DDX23: variants seen among roughly 807,000 people sequenced by gnomAD.
DDX23 encodes the protein DEAD-box helicase 23, also known as probable ATP-dependent RNA helicase DDX23.
Under a neutral mutation model 102.7 loss-of-function variants are expected in DDX23, and 33 were observed. The ratio of observed to expected loss-of-function variants is 0.32; its 90% CI spans 0.24 to 0.43. DDX23 has a LOEUF of 0.43. DDX23 is among the 20% of genes least tolerant of loss of function. DDX23 has a pLI of 1.00. For missense variants in DDX23, 549 were observed against 1,086.6 expected, an observed-to-expected ratio of 0.51 and a Z score of 6.96; for synonymous variants, 352 against 376.0, an observed-to-expected ratio of 0.94 and a Z score of 0.74.
At position 48,833,271 on chromosome 12, in the gene DDX23, C is replaced by G; in HGVS notation, c.1803+6G>C. 6.2e-7 allele frequency: 1 copy of G among 1,614,096 alleles called. No individual in the cohort carries two copies. On this transcript the variant is annotated splice_donor_region_variant and intron_variant, in intron 13 of 16. Transcript: ENST00000308025. Reference sequence around the variant, plus strand: ...AACTTTTCCCAGCCCAGGGAAGCAGCCTTACTTGGCGGTACTTATGTTTTC... The same window carrying G: ...AACTTTTCCCAGCCCAGGGAAGCAGGCTTACTTGGCGGTACTTATGTTTTC...
At chr12:48,838,416 G>GGCATGT (rs2137486048) in intron 5 of DDX23, among the ~76,000 whole-genome samples, 1 of 152,194 alleles carries the variant, frequency 6.6e-6, no homozygotes, top group Non-Finnish European at 1.5e-5. Flanking sequence ...CAGACATGAT[G>GGCATGT]GCATGTGCAT....
intron 16 of DDX23, 138 bp downstream of exon 16, chr12:48,831,004 T>C: frequency 1.0e-6 from 1 of 990,878 alleles, no homozygotes; most frequent in Non-Finnish European, 1.5e-6. Context: ...GGAGTGCTTC[T>C]CATGGGAGCA....
intron 3 of DDX23, 67 bp downstream of exon 3, chr12:48,843,872 GA>G: frequency 6.5e-7 from 1 of 1,546,698 alleles, no homozygotes; most frequent in Non-Finnish European, 8.9e-7. Flanking sequence ...ATAAGAAGCT[GA>G]GCAAACTCAG....
intron 3 of DDX23, among the ~76,000 whole-genome samples, chr12:48,841,461 C>T (rs998374710): frequency 1.3e-5 from 2 of 152,122 alleles, no homozygotes; most frequent in Non-Finnish European, 2.9e-5. Context: ...TCTCCCCTCT[C>T]CCCACGGTCT....
In DDX23 at chr12:48,845,801, G is replaced by C; in HGVS notation, c.1-19C>G. ...CTGCCATCTGTAATGAGTAGGAAGA[G>C]TACTTACAATGTACTAGGCACTGCT... On this transcript the variant is annotated intron_variant, in intron 1 of 16. Transcript: ENST00000308025. The C allele has an allele frequency of 1.2e-6, 2 of 1,612,274 alleles. No individual in the cohort carries two copies. The highest frequency in any genetic ancestry group is 1.7e-6 in the Non-Finnish European group (2 of 1,178,922).
chr12:48,849,661 G>A (rs1475989360), intron 1 of DDX23, among the ~76,000 whole-genome samples: 5 of 144,426 alleles, frequency 3.5e-5, no homozygotes, highest in Non-Finnish European at 6.1e-5. Context: ...CCTCTGTCTC[G>A]AGAGAAAAAA....
intron 1 of DDX23, among the ~76,000 whole-genome samples, chr12:48,845,997 G>A (rs533926328): frequency 6.6e-6 from 1 of 152,270 alleles, no homozygotes; most frequent in South Asian, 2.1e-4. Flanking sequence ...ACAGGCCATC[G>A]TTACTCACTA....
At chr12:48,837,148 C>G (rs1938477011) in intron 8 of DDX23, 111 bp from the exon 9 acceptor site, 1 of 1,562,370 alleles carries the variant, frequency 6.4e-7, no homozygotes. Context: ...CTTTCTTCCA[C>G]CAGAGGGCTG....
intron 5 of DDX23, among the ~76,000 whole-genome samples, chr12:48,838,465 A>G (rs1347007894): frequency 6.7e-6 from 1 of 149,178 alleles, no homozygotes; most frequent in African/African-American, 2.5e-5. Context: ...CAGGAAAATC[A>G]TATGAGCCCA....
chr12:48,836,890 T>C lies in DDX23; in HGVS notation c.1010+4A>G. ...GTCCAGCCACCCTAGCCTTGATCACTCACTCCTCCTGCTCCTTTTCTTCCA... is the reference window on the plus strand; with the variant it reads ...GTCCAGCCACCCTAGCCTTGATCACCCACTCCTCCTGCTCCTTTTCTTCCA... On this transcript the variant is annotated splice_donor_region_variant and intron_variant, in intron 9 of 16. Coordinates refer to ENST00000308025, the MANE Select transcript of DDX23 (RefSeq NM_004818.3). The surrounding 1 kb of genome is among the most constrained non-coding windows in gnomAD (Gnocchi z 6.1). 6.2e-7 allele frequency: 1 copy of C among 1,613,880 alleles called. No homozygotes were observed. The highest frequency in any genetic ancestry group is 8.5e-7 in the Non-Finnish European group (1 of 1,180,042).
Position 48,837,115 on chromosome 12 carries a change from A to C in DDX23, c.867-78T>G, listed in dbSNP as rs936861840. 19 of 1,590,284 alleles carry C rather than the reference A, an allele frequency of 1.2e-5. No homozygotes were observed. The Admixed American group carries it at 1.6e-4, about 13-fold the overall frequency. On this transcript the variant is annotated intron_variant, in intron 8 of 16. Transcript: ENST00000308025. ...GAAGGAAGGGCAGACTACTAGTATGAAACAGTTCTTCCCAGACAGGGTCTT... is the reference window on the plus strand; with the variant it reads ...GAAGGAAGGGCAGACTACTAGTATGCAACAGTTCTTCCCAGACAGGGTCTT...
rs774300159 is a variant in DDX23, at chr12:48,830,564, A to C, written c.2368T>G (p.Ser790Ala). Reference sequence around the variant, plus strand: ...TGGTTGGCTAGTTCGGGGGGACAGGAAGACACTGGGCTTTCCAGGATAGCT... The same window carrying C: ...TGGTTGGCTAGTTCGGGGGGACAGGCAGACACTGGGCTTTCCAGGATAGCT... ...KQAILESPVS[S>A]CPPELANHPD... is the part of the protein sequence containing the mutation. Residue 790 changes from serine (S) to alanine (A), a missense_variant, in exon 17 of 17, where the codon TCC becomes GCC. By Grantham distance (99) the Ser-to-Ala change is moderately conservative (BLOSUM62 1). Around this residue, in one of 4 missense-constraint regions of DDX23, gnomAD observed 38 missense variants for 94.5 expected, o/e 0.40. Coordinates refer to ENST00000308025, the MANE Select transcript of DDX23 (RefSeq NM_004818.3). The surrounding 1 kb of genome is among the most constrained non-coding windows in gnomAD (Gnocchi z 4.9). 6.8e-6 allele frequency: 11 copies of C among 1,613,774 alleles called. No individual in the cohort carries two copies. Among genetic ancestry groups the C allele is most frequent in the Admixed American group, 1.7e-5 (1 of 59,982 alleles).
chr12:48,850,413 T>C (rs907526358), intron 1 of DDX23, among the ~76,000 whole-genome samples: 29 of 152,248 alleles, frequency 1.9e-4, no homozygotes, highest in African/African-American at 6.3e-4. Context: ...TTTGGCCAGG[T>C]TGAGTGTGAG....
Position 48,833,385 on chromosome 12 carries a change from C to T in DDX23, c.1695G>A (p.Lys565=), listed in dbSNP as rs1244519275. The change falls in exon 13 of 17, where the codon AAG becomes AAA. Residue 565 remains lysine (K), a synonymous_variant. Coordinates refer to ENST00000308025, the MANE Select transcript of DDX23 (RefSeq NM_004818.3). ...TGCTGACAGGCATGTGCTCCAGGAT[C>T]TTCTGGACATCTGGCTCAAAGCCCA... The part of the protein sequence containing the change: ...IDMGFEPDVQ[K]ILEHMPVSNQ... 6.2e-7 allele frequency: 1 copy of T among 1,614,230 alleles called. No homozygotes were observed. Among genetic ancestry groups the T allele is most frequent in the Admixed American group, 1.7e-5 (1 of 60,020 alleles).
chr12:48,837,282 G>A lies in DDX23; in HGVS notation c.865C>T (p.Leu289=), dbSNP rs775337578. 2.5e-6 allele frequency: 4 copies of A among 1,613,368 alleles called. No homozygotes were observed. The highest frequency in any genetic ancestry group is 3.4e-6 in the Non-Finnish European group (4 of 1,179,350). ...GAACTCAGGCCTGAAGCCACTCACA[G>A]GGGGTTGTAGTCAATGGATGTGTCC... The part of the protein sequence containing the change: ...SEDTSIDYNP[L]YKERHQVQLL... Residue 289 remains leucine, a splice_region_variant and synonymous_variant, in exon 8 of 17, where the codon CTG becomes TTG. Transcript: ENST00000308025.
At chr12:48,847,972 G>A (rs772308345) in intron 1 of DDX23, among the ~76,000 whole-genome samples, 16 of 152,056 alleles carry the variant, frequency 1.1e-4, no homozygotes, top group Non-Finnish European at 1.8e-4. Flanking sequence ...TGTAGGTAAC[G>A]GAGACAAAGC....
At chr12:48,838,975 A>C (rs1287879383) in intron 5 of DDX23, among the ~76,000 whole-genome samples, 4 of 152,134 alleles carry the variant, frequency 2.6e-5, no homozygotes, top group Admixed American at 1.3e-4. Context: ...TCCTGGGCTC[A>C]AGCAATATCC....
rs1257641858 is a variant in DDX23, at chr12:48,834,690, T to C, written c.1383-193A>G. On this transcript the variant is annotated intron_variant, in intron 11 of 16. Transcript: ENST00000308025. ...GGCTCATGTCTGTAATCCCAGAACT[T>C]TGGGAGGCTGAGGCAGGCGGATCAC... 10 of 510,242 alleles carry C rather than the reference T, an allele frequency of 2.0e-5. No homozygotes were observed. The East Asian group carries it at 3.4e-4, about 17-fold the overall frequency. The allele number at this position is 510,242 out of a possible 1,614,324, so 31.6% of individuals were successfully genotyped here.
intron 5 of DDX23, chr12:48,839,581 AAAAG>A (rs1165236375): frequency 6.8e-6 from 2 of 292,540 alleles, no homozygotes; most frequent in East Asian, 6.5e-5. Context: ...AAAAAAAAAA[AAAAG>A]GGCCTTTTAG....
Sources: gnomAD v4.1 joint callset for allele counts (sites outside exome capture counted in the v4.1 genomes callset) on GRCh38, gnomAD v4.1.1 for gene constraint, gnomAD v4.1.1 regional missense constraint, Gnocchi (gnomAD v3.1) non-coding constraint, MANE v1.5 for transcripts, NCBI Gene and HGNC (gene_info 2026-07-23, HGNC 2026-07-21) for gene names.